NRXN1: variants seen among roughly 807,000 people sequenced by gnomAD.
NRXN1 encodes neurexin 1, also known as neurexin-1.
Under a neutral mutation model 150.9 loss-of-function variants are expected in NRXN1, and 39 were observed. The ratio of observed to expected loss-of-function variants is 0.26; its 90% CI spans 0.20 to 0.34. The LOEUF (loss-of-function observed/expected upper bound fraction) is 0.34. Among genes scored for constraint, NRXN1 ranks in the 10% least tolerant of loss-of-function variants. The pLI is 1.00. For synonymous variants in NRXN1, 924 were observed against 757.0 expected, an observed-to-expected ratio of 1.22 and a Z score of -3.62; for missense variants, 1,815 against 1,949.9, an observed-to-expected ratio of 0.93 and a Z score of 1.30.
chr2:50,485,445 C>T (rs929961243), intron 15 of NRXN1, among the ~76,000 whole-genome samples: 4 of 152,230 alleles, frequency 2.6e-5, no homozygotes, highest in African/African-American at 9.6e-5. Flanking sequence ...CAAGGCAGCT[C>T]TCAGAGGAGG....
chr2:50,632,042 A>G (rs1682418685), intron 5 of NRXN1, among the ~76,000 whole-genome samples: 1 of 151,958 alleles, frequency 6.6e-6, no homozygotes, highest in African/African-American at 2.4e-5. Context: ...AATTATAATA[A>G]TGTTATTATA....
At chr2:50,764,514 G>A (rs1048486517) in intron 5 of NRXN1, among the ~76,000 whole-genome samples, 1 of 151,926 alleles carries the variant, frequency 6.6e-6, no homozygotes, top group Non-Finnish European at 1.5e-5. Flanking sequence ...CAGATATTCT[G>A]CTATCTTTTT....
intron 21 of NRXN1, among the ~76,000 whole-genome samples, chr2:50,042,136 T>A (rs1691074666): frequency 6.6e-6 from 1 of 152,204 alleles, no homozygotes; most frequent in Non-Finnish European, 1.5e-5. Context: ...AGAAGGAAGT[T>A]AATTCTTTTA....
chr2:50,915,262 C>G (rs1385210017), intron 5 of NRXN1, among the ~76,000 whole-genome samples: 1 of 151,594 alleles, frequency 6.6e-6, no homozygotes, highest in African/African-American at 2.4e-5. Flanking sequence ...ATTCAGATAA[C>G]TAGGTGTCAG....
intron 5 of NRXN1, among the ~76,000 whole-genome samples, chr2:50,790,880 G>A (rs932390095): frequency 2.6e-5 from 4 of 152,044 alleles, no homozygotes; most frequent in African/African-American, 9.7e-5. Context: ...CATCACATTA[G>A]GTCAAGTGTG....
chr2:50,428,274 G>A (rs190606073), intron 17 of NRXN1, among the ~76,000 whole-genome samples: 3 of 152,206 alleles, frequency 2.0e-5, no homozygotes, highest in African/African-American at 7.2e-5. Flanking sequence ...ATTTAGCTGG[G>A]CATAGTGGCA....
At chr2:50,626,021 T>C (rs549158898) in intron 5 of NRXN1, among the ~76,000 whole-genome samples, 1 of 152,028 alleles carries the variant, frequency 6.6e-6, no homozygotes, top group Non-Finnish European at 1.5e-5. Flanking sequence ...CACTTGACAT[T>C]GTAGCTAATG....
At chr2:50,056,374 T>C (rs560638779) in intron 19 of NRXN1, among the ~76,000 whole-genome samples, 36 of 152,220 alleles carry the variant, frequency 2.4e-4, no homozygotes, top group Admixed American at 1.8e-3. Flanking sequence ...TTAGACCTCA[T>C]CAATTTGTCA....
chr2:50,156,090 T>C (rs993162982), intron 18 of NRXN1, among the ~76,000 whole-genome samples: 1 of 151,762 alleles, frequency 6.6e-6, no homozygotes, highest in Admixed American at 6.6e-5. Context: ...TACTTTGTTC[T>C]TTGCTTCTCT....
intron 21 of NRXN1, among the ~76,000 whole-genome samples, chr2:50,013,250 TTGAGA>T (rs756840472): frequency 8.1e-5 from 12 of 148,828 alleles, no homozygotes; most frequent in Non-Finnish European, 7.4e-5. Flanking sequence ...TTTTGTGTTG[TTGAGA>T]TATTACTATT....
chr2:50,450,260 A>G (rs1187163791), intron 17 of NRXN1, among the ~76,000 whole-genome samples: 1 of 152,124 alleles, frequency 6.6e-6, no homozygotes, highest in Non-Finnish European at 1.5e-5. Flanking sequence ...CCAGCACACA[A>G]TTGTGCCTTT....
intron 5 of NRXN1, among the ~76,000 whole-genome samples, chr2:50,801,941 A>G (rs1174490520): frequency 1.3e-5 from 2 of 152,164 alleles, no homozygotes; most frequent in African/African-American, 4.8e-5. Flanking sequence ...TATGTGACCA[A>G]AGGTTTTTAA....
intron 18 of NRXN1, among the ~76,000 whole-genome samples, chr2:50,178,318 C>A (rs1226305175): frequency 1.3e-5 from 2 of 151,912 alleles, no homozygotes; most frequent in Non-Finnish European, 2.9e-5. Flanking sequence ...ATCCAATGTT[C>A]TGCTTGGGAT....
At chr2:50,707,226 T>C (rs1694561662) in intron 5 of NRXN1, among the ~76,000 whole-genome samples, 1 of 152,196 alleles carries the variant, frequency 6.6e-6, no homozygotes, top group Admixed American at 6.6e-5. Flanking sequence ...TGATAAGTGA[T>C]GACCATCCTG....
intron 5 of NRXN1, among the ~76,000 whole-genome samples, chr2:50,835,508 T>C (rs2105905688): frequency 6.6e-6 from 1 of 152,286 alleles, no homozygotes; most frequent in Admixed American, 6.5e-5. Context: ...AATTTTAGAT[T>C]AATCTTAGCC....
intron 2 of NRXN1, among the ~76,000 whole-genome samples, chr2:51,014,429 C>CG (rs1186914847): frequency 6.6e-6 from 1 of 151,930 alleles, no homozygotes; most frequent in Non-Finnish European, 1.5e-5. Flanking sequence ...TAATTTATGT[C>CG]AGCAGAGAAA....
At chr2:50,922,205 T>C (rs1558426124) in intron 4 of NRXN1, among the ~76,000 whole-genome samples, 1 of 151,848 alleles carries the variant, frequency 6.6e-6, no homozygotes, top group African/African-American at 2.4e-5. Flanking sequence ...CTCAGCATTC[T>C]ACAAGCCAGA....
In NRXN1 at chr2:50,997,402, A is replaced by T. The variant is rs1037830996; in HGVS notation, c.772+30100T>A. Among the ~76,000 whole-genome samples, 9 of 144,582 alleles carry T rather than the reference A, an allele frequency of 6.2e-5. 3 individuals are homozygous for T. Among genetic ancestry groups the T allele is most frequent in the African/African-American group, 2.5e-4 (9 of 35,478 alleles). 94.9% of individuals were successfully genotyped at this position (144,582 alleles called of 152,430 possible). ...ACAAACAAAAAAAGATACTCTGCAT[A>T]GAAATTAATCACAATTTCTTTAAAT... On this transcript the variant is annotated intron_variant, in intron 2 of 22. Coordinates refer to ENST00000401669, the MANE Select transcript of NRXN1 (RefSeq NM_001330078.2).
At chr2:50,244,197 C>A (rs1020359649) in intron 17 of NRXN1, among the ~76,000 whole-genome samples, 1 of 151,740 alleles carries the variant, frequency 6.6e-6, no homozygotes, top group African/African-American at 2.4e-5. Context: ...ATAAAGTATT[C>A]ATTCTTCTAA....
Sources: allele counts gnomAD v4.1 joint callset (sites outside exome capture counted in the v4.1 genomes callset), GRCh38; gene constraint gnomAD v4.1.1; transcripts MANE v1.5; gene names NCBI Gene and HGNC (gene_info 2026-07-23, HGNC 2026-07-21).